The following EIF2D variants were observed in gnomAD, a reference collection of about 807,000 sequenced individuals.
The protein encoded by EIF2D is hepatocellular carcinoma-associated antigen 56.
Under a neutral mutation model 77.4 loss-of-function variants are expected in EIF2D, and 56 were observed. That is an observed-to-expected ratio of 0.72 (90% CI 0.58 to 0.90). EIF2D has a LOEUF of 0.90. Ranked by LOEUF, EIF2D falls within the 40% of genes least tolerant of loss-of-function variation. The probability of loss-of-function intolerance (pLI) is 0.00; values close to 1 mark genes in which losing one functional copy is unlikely to be tolerated. For synonymous variants in EIF2D, 230 were observed against 271.0 expected (o/e 0.85, Z 1.49); for missense variants, 574 against 706.5 (o/e 0.81, Z 2.13).
At position 206,593,811 on chromosome 1, in the gene EIF2D, A is replaced by G; in HGVS notation, c.1510-18T>C. ...ACGGTCACCTGGGGGGACAGTGGGGACAGAGACTGACGGTGGTGACTGCAT... is the reference window on the plus strand; with the variant it reads ...ACGGTCACCTGGGGGGACAGTGGGGGCAGAGACTGACGGTGGTGACTGCAT... On this transcript the variant is annotated intron_variant, in intron 13 of 14. Transcript: ENST00000271764. 6.3e-7 allele frequency: 1 copy of G among 1,581,668 alleles called. No individual in the cohort carries two copies.
At chr1:206,588,094 G>GGCCC (rs1669195644), downstream of EIF2D, 1 of 152,800 alleles carries the variant, frequency 6.5e-6, no homozygotes, top group Non-Finnish European at 1.5e-5. Flanking sequence ...TGCGCTCGGA[G>GGCCC]AGCCGGTGGG....
downstream of EIF2D, chr1:206,586,982 G>A (rs1553407803): frequency 1.9e-6 from 3 of 1,614,062 alleles, 1 homozygote; most frequent in South Asian, 3.3e-5. Context: ...TGGGTAACCG[G>A]TCCTGCTTCC....
chr1:206,605,606 T>C, intron 4 of EIF2D, 99 bp from the exon 5 acceptor site: 1 of 1,021,770 alleles, frequency 9.8e-7, no homozygotes, highest in East Asian at 2.5e-5. Context: ...ATACCAAGGT[T>C]ACCAATTCGA....
downstream of EIF2D, chr1:206,586,888 G>A: frequency 6.2e-7 from 1 of 1,614,160 alleles, no homozygotes; most frequent in Non-Finnish European, 8.5e-7. Context: ...AAGAGGAGCA[G>A]GACAAAATCC....
chr1:206,609,320 T>C, intron 3 of EIF2D, 56 bp downstream of exon 3: 1 of 1,515,724 alleles, frequency 6.6e-7, no homozygotes, highest in Non-Finnish European at 9.1e-7. Flanking sequence ...TTACATCAGT[T>C]GGCTTTTGCT....
At chr1:206,608,980 A>G (rs1193096434) in intron 3 of EIF2D, among the ~76,000 whole-genome samples, 3 of 152,070 alleles carry the variant, frequency 2.0e-5, no homozygotes, top group Non-Finnish European at 4.4e-5. Flanking sequence ...TGAACCTGGG[A>G]GGCAGAGGTT....
chr1:206,583,085 C>G, intron 2 of EIF2D: 1 of 544,986 alleles, frequency 1.8e-6, no homozygotes, highest in South Asian at 2.0e-5. Context: ...GGAGGGCTGG[C>G]TAGACACTGG....
chr1:206,593,616 C>T lies in EIF2D; in HGVS notation c.1684+3G>A. The T allele has an allele frequency of 1.9e-6, 3 of 1,604,054 alleles. No homozygotes were observed. The highest frequency in any genetic ancestry group is 1.7e-6 in the Non-Finnish European group (2 of 1,172,802). The stretch of plus-strand genomic sequence containing the variant: ...GCCTCCACTCTTCAGAGGGGATGCT[C>T]ACCAAGCAATAGCCAGCCGAGGTGG... On this transcript the variant is annotated splice_donor_region_variant and intron_variant, in intron 14 of 14. Coordinates refer to ENST00000271764, the MANE Select transcript of EIF2D (RefSeq NM_006893.3).
At chr1:206,591,123 T>C (rs1283493313), downstream of EIF2D, among the ~76,000 whole-genome samples, 1 of 152,154 alleles carries the variant, frequency 6.6e-6, no homozygotes, top group Admixed American at 6.5e-5. Flanking sequence ...GAAGAGGGCA[T>C]GTGTTGGATG....
chr1:206,594,453 A>G (rs935262362), intron 13 of EIF2D: 1 of 152,316 alleles, frequency 6.6e-6, no homozygotes, highest in East Asian at 1.9e-4. Flanking sequence ...AAATATCACA[A>G]TTCTCCCCCT....
intron 5 of EIF2D, among the ~76,000 whole-genome samples, chr1:206,604,411 C>A (rs1572406187): frequency 6.6e-6 from 1 of 150,706 alleles, no homozygotes; most frequent in Admixed American, 6.6e-5. Flanking sequence ...CCACTGCACT[C>A]CAGCCTGGGC....
At chr1:206,609,896 T>C (rs901471984) in intron 2 of EIF2D, among the ~76,000 whole-genome samples, 1 of 152,180 alleles carries the variant, frequency 6.6e-6, no homozygotes, top group Admixed American at 6.5e-5. Flanking sequence ...TGTCTTCAGG[T>C]ACAGCAAGGA....
intron 4 of EIF2D, among the ~76,000 whole-genome samples, chr1:206,607,606 T>C (rs1670260333): frequency 1.3e-5 from 2 of 151,918 alleles, no homozygotes; most frequent in African/African-American, 2.4e-5. Flanking sequence ...GTAAACTGTA[T>C]CTCAATAAAG....
rs1026950369 is a variant in EIF2D, at chr1:206,579,729, C to T, written c.*254+963G>A. ...AATCAGAATCTCCAGGGATGAAGCC[C>T]AGGCAGCTAAGTTTCTAAAGATCCC... On this transcript the variant is annotated intron_variant and NMD_transcript_variant, in intron 4 of 5. Transcript: ENST00000472709. The surrounding 1 kb of genome is among the most constrained non-coding windows in gnomAD (Gnocchi z 4.2). Among the ~76,000 whole-genome samples the T allele has an allele frequency of 6.6e-6, 1 of 152,200 alleles. No individual in the cohort carries two copies. The highest frequency in any genetic ancestry group is 6.5e-5 in the Admixed American group (1 of 15,284).
At chr1:206,587,097 A>G, downstream of EIF2D, 1 of 1,293,902 alleles carries the variant, frequency 7.7e-7, no homozygotes, top group Non-Finnish European at 1.1e-6. Context: ...CCTGCCCAGC[A>G]GTTCCAGCTG....
In EIF2D at chr1:206,592,959, G is replaced by A. The variant is rs961261482; in HGVS notation, c.1684+660C>T. ...TCTACTAAAAATACAAAAATTAGCT[G>A]GCCGTGGTGGCATGCGCCTATAATC... On this transcript the variant is annotated intron_variant, in intron 14 of 14. Transcript: ENST00000271764. The surrounding 1 kb of genome is among the most constrained non-coding windows in gnomAD (Gnocchi z 4.7). Among the ~76,000 whole-genome samples, 1 of 152,088 alleles carries A rather than the reference G, an allele frequency of 6.6e-6. No individual in the cohort carries two copies. Among genetic ancestry groups the A allele is most frequent in the Non-Finnish European group, 1.5e-5 (1 of 68,000 alleles).
intron 4 of EIF2D, among the ~76,000 whole-genome samples, chr1:206,606,893 T>TGCAGGTAGG (rs1321714439): frequency 6.6e-6 from 1 of 152,220 alleles, no homozygotes; most frequent in East Asian, 1.9e-4. Context: ...CCATATATGC[T>TGCAGGTAGG]GCAGGTAGGT....
In EIF2D at chr1:206,595,744, G is replaced by T. The variant is rs782214425; in HGVS notation, c.1483C>A (p.Leu495Ile). ...TTTTTATTAGACGCTCTTTGTGCTA[G>T]GGTGATGTCAATTGGACAGATTCTC... ...KGRICPIDIT[L>I]AQRASNKKVT... Residue 495 changes from leucine (L) to isoleucine (I), a missense_variant, in exon 13 of 15, where the codon CTA (leucine) becomes ATA (isoleucine). Leu to Ile is a conservative substitution (Grantham distance 5). Transcript: ENST00000271764. 1 of 1,614,148 alleles carries T rather than the reference G, an allele frequency of 6.2e-7. No individual in the cohort carries two copies. The highest frequency in any genetic ancestry group is 8.5e-7 in the Non-Finnish European group (1 of 1,179,990).
At chr1:206,593,500 A>AGTGTGT (rs1669474468) in intron 14 of EIF2D, 119 bp downstream of exon 14, 2 of 433,282 alleles carry the variant, frequency 4.6e-6, no homozygotes, top group East Asian at 3.8e-5. Context: ...AGAGAGAGAG[A>AGTGTGT]GAGAGAGAGT....
Sources: allele counts gnomAD v4.1 joint callset (sites outside exome capture counted in the v4.1 genomes callset), GRCh38; gene constraint gnomAD v4.1.1; non-coding constraint Gnocchi (gnomAD v3.1); transcripts MANE v1.5; gene names NCBI Gene and HGNC (gene_info 2026-07-23, HGNC 2026-07-21).